Variants in OTUD7A observed in about 807,000 individuals in gnomAD.
The protein encoded by OTUD7A is OTU domain-containing protein 7A.
A neutral mutation model predicts 65.7 loss-of-function variants in OTUD7A; 12 were observed. That is an observed-to-expected ratio of 0.18 (90% CI 0.12 to 0.30). The LOEUF (loss-of-function observed/expected upper bound fraction) is 0.30, where lower values mean the gene tolerates loss of function less well. Ranked by LOEUF, OTUD7A falls within the 10% of genes least tolerant of loss-of-function variation. OTUD7A has a pLI of 1.00. For synonymous variants in OTUD7A, 641 were observed against 586.3 expected, an observed-to-expected ratio of 1.09 and a Z score of -1.35; for missense variants, 1,148 against 1,304.8, an observed-to-expected ratio of 0.88 and a Z score of 1.85.
intron 1 of OTUD7A, among the ~76,000 whole-genome samples, chr15:31,867,532 T>G (rs12324049): frequency 6.6e-6 from 1 of 152,166 alleles, no homozygotes; most frequent in African/African-American, 2.4e-5. Context: ...TGGGAAGTAC[T>G]ACCACACAGG....
intron 1 of OTUD7A, among the ~76,000 whole-genome samples, chr15:31,858,725 C>T (rs548779732): frequency 6.6e-6 from 1 of 152,364 alleles, no homozygotes; most frequent in East Asian, 1.9e-4. Context: ...ACCACCAACC[C>T]GGCCAGCCCC....
chr15:31,610,607 A>ATTTT (rs1395271113), intron 3 of OTUD7A, among the ~76,000 whole-genome samples: 1 of 39,564 alleles, frequency 2.5e-5, no homozygotes, highest in Non-Finnish European at 4.6e-5. Context: ...ATATATATAT[A>ATTTT]TATATATATA....
chr15:31,750,088 G>A (rs1413694301), intron 1 of OTUD7A, among the ~76,000 whole-genome samples: 1 of 152,152 alleles, frequency 6.6e-6, no homozygotes, highest in Non-Finnish European at 1.5e-5. Context: ...TGCATTCCAT[G>A]CTCATGAATT....
intron 1 of OTUD7A, among the ~76,000 whole-genome samples, chr15:31,865,271 C>T (rs867074913): frequency 6.6e-6 from 1 of 152,066 alleles, no homozygotes; most frequent in Non-Finnish European, 1.5e-5. Flanking sequence ...AATGTGTTGC[C>T]CACACTACAA....
chr15:31,666,072 A>C (rs1021486387), intron 1 of OTUD7A, among the ~76,000 whole-genome samples: 20 of 151,886 alleles, frequency 1.3e-4, no homozygotes, highest in Admixed American at 1.3e-3. Context: ...TATTTTGTTA[A>C]GGATTTTAGC....
At chr15:31,683,763 C>T (rs2141309293) in intron 1 of OTUD7A, among the ~76,000 whole-genome samples, 1 of 152,110 alleles carries the variant, frequency 6.6e-6, no homozygotes, top group African/African-American at 2.4e-5. Flanking sequence ...CCTAACAAAA[C>T]CGTCTGGAGT....
At chr15:31,796,987 G>A (rs1895979040) in intron 1 of OTUD7A, among the ~76,000 whole-genome samples, 1 of 152,230 alleles carries the variant, frequency 6.6e-6, no homozygotes, top group South Asian at 2.1e-4. Flanking sequence ...ACCCGCCTTG[G>A]CCTCCCAAAG....
chr15:31,622,850 G>T (rs1890834716), intron 3 of OTUD7A, among the ~76,000 whole-genome samples: 1 of 136,540 alleles, frequency 7.3e-6, no homozygotes, highest in African/African-American at 3.1e-5. Flanking sequence ...CTGATTTTTA[G>T]AATTTTCAGT....
At chr15:31,865,609 T>TG (rs34113129) in intron 1 of OTUD7A, among the ~76,000 whole-genome samples, 6 of 152,190 alleles carry the variant, frequency 3.9e-5, no homozygotes, top group African/African-American at 1.4e-4. Context: ...GTGTTAGCCC[T>TG]GGGGGCATGA....
At chr15:31,867,918 G>C (rs1897922051) in intron 1 of OTUD7A, among the ~76,000 whole-genome samples, 1 of 151,954 alleles carries the variant, frequency 6.6e-6, no homozygotes, top group South Asian at 2.1e-4. Flanking sequence ...GGGAGGGGCG[G>C]GGGGCGGGGG....
rs373500715 is a variant in OTUD7A, at chr15:31,767,668, T to C, written c.-100+102839A>G. On this transcript the variant is annotated intron_variant, in intron 1 of 12. Coordinates refer to ENST00000307050, the MANE Select transcript of OTUD7A (RefSeq NM_001382637.1). ...AAACTTCTTCAACGTCTTCCTGGCT[T>C]AGTTCTCTATCATCAACTGCATTTT... 74 of 747,738 alleles carry C rather than the reference T, an allele frequency of 9.9e-5. No individual in the cohort carries two copies. The African/African-American group carries it at 1.1e-3, about 11-fold the overall frequency. 46.3% of individuals were successfully genotyped at this position (747,738 alleles called of 1,614,324 possible). A position where few individuals can be genotyped will look rare whatever the true frequency, so the allele number is the denominator to read the frequency against.
chr15:31,619,774 G>A (rs563775265), intron 3 of OTUD7A, among the ~76,000 whole-genome samples: 4 of 152,234 alleles, frequency 2.6e-5, no homozygotes, highest in Non-Finnish European at 4.4e-5. Context: ...TCTCCTGCCT[G>A]ACTGCCCTGG....
At position 31,773,274 on chromosome 15, in the gene OTUD7A, GTCTAGT is replaced by G. The variant is rs528131346; in HGVS notation, c.-100+97227_-100+97232del. Among the ~76,000 whole-genome samples, 27 of 152,346 alleles carry G rather than the reference GTCTAGT, an allele frequency of 1.8e-4. No individual in the cohort carries two copies. In the South Asian group the frequency reaches 5.6e-3, roughly 32 times the overall value. On this transcript the variant is annotated intron_variant, in intron 1 of 12. Transcript: ENST00000307050. ...GGTGAAGCAACATCTTCCACACTCA[GTCTAGT>G]TAGTTCAGGCTGCTATAACAAAAAT...
In OTUD7A at chr15:31,478,438, AG is replaced by A. The variant is rs2041058681; in HGVS notation, c.*4855del. 1 of 152,236 alleles carries A rather than the reference AG, an allele frequency of 6.6e-6. No homozygotes were observed. Among genetic ancestry groups the A allele is most frequent in the Non-Finnish European group, 1.5e-5 (1 of 68,040 alleles). The allele number at this position is 152,236 out of a possible 1,614,324, so 9.4% of individuals were successfully genotyped here. A position where few individuals can be genotyped will look rare whatever the true frequency, so the allele number is the denominator to read the frequency against. On this transcript the variant is annotated 3_prime_UTR_variant, in exon 13 of 13. Coordinates refer to ENST00000307050, the MANE Select transcript of OTUD7A (RefSeq NM_001382637.1). Reference sequence around the variant, plus strand: ...TGTATGTACATAATTAGGATTAGTGAGGCCCCCTTTTTTGGCAAGATTAAAA... The same window carrying A: ...TGTATGTACATAATTAGGATTAGTGAGCCCCCTTTTTTGGCAAGATTAAAA...
At chr15:31,860,640 T>C (rs1200153744) in intron 1 of OTUD7A, among the ~76,000 whole-genome samples, 3,371 of 127,220 alleles carry the variant, frequency 0.026, 266 homozygotes, top group African/African-American at 0.094. Context: ...TATATATATA[T>C]ATATGTATGT....
intron 1 of OTUD7A, chr15:31,767,937 A>C (rs1895132583): frequency 6.5e-6 from 10 of 1,546,922 alleles, no homozygotes; most frequent in Non-Finnish European, 8.9e-6. Flanking sequence ...TCTGATCCCC[A>C]CCTCCCTTTG....
At chr15:31,626,256 T>C (rs1291901460) in intron 3 of OTUD7A, among the ~76,000 whole-genome samples, 1 of 152,172 alleles carries the variant, frequency 6.6e-6, no homozygotes, top group African/African-American at 2.4e-5. Flanking sequence ...TAAGGTGAAA[T>C]GTAAGCTACG....
rs1194383682 is a variant in OTUD7A at position 31,559,038 on chromosome 15, C to T, written c.481G>A (p.Glu161Lys). Reference protein sequence around the residue: ...FQLPDLSVYSEDFRSFIERDL... With the variant: ...FQLPDLSVYSKDFRSFIERDL... The stretch of plus-strand genomic sequence containing the variant: ...CGCTCGATGAAGCTCCTGAAATCCT[C>T]GCTGTACACGCTCAGGTCTGGCAAC... Residue 161 changes from glutamate (E) to lysine (K), a missense_variant, in exon 5 of 13, where the codon GAG becomes AAG. Physicochemically the swap from Glu to Lys is moderately conservative, Grantham distance 56. Transcript: ENST00000307050. 4.3e-6 allele frequency: 7 copies of T among 1,614,172 alleles called. No individual in the cohort carries two copies. Among genetic ancestry groups the T allele is most frequent in the Non-Finnish European group, 5.9e-6 (7 of 1,180,024 alleles).
chr15:31,795,407 G>A (rs1895926032), intron 1 of OTUD7A, among the ~76,000 whole-genome samples: 1 of 152,226 alleles, frequency 6.6e-6, no homozygotes, highest in Non-Finnish European at 1.5e-5. Context: ...CAGCCATTGT[G>A]AATATTGGAG....
Sources: allele counts gnomAD v4.1 joint callset (sites outside exome capture counted in the v4.1 genomes callset), GRCh38; gene constraint gnomAD v4.1.1; transcripts MANE v1.5; gene names NCBI Gene and HGNC (gene_info 2026-07-23, HGNC 2026-07-21).